Variants in MCUB observed in about 807,000 individuals in gnomAD.
MCUB encodes the protein mitochondrial calcium uniporter dominant negative subunit beta.
A neutral mutation model predicts 41.4 loss-of-function variants in MCUB; 46 were observed. That is an observed-to-expected ratio of 1.11 (90% CI 0.88 to 1.42). The LOEUF is 1.42. Ranked by LOEUF, MCUB falls within the 40% of genes most tolerant of loss-of-function variation. The pLI, the probability that MCUB is intolerant of heterozygous loss-of-function variation, is 0.00. For synonymous variants in MCUB, 148 were observed against 148.2 expected, an observed-to-expected ratio of 1.00 and a Z score of 0.01; for missense variants, 403 against 404.9, an observed-to-expected ratio of 1.00 and a Z score of 0.04.
At chr4:109,610,637 C>T (rs1056033906) in intron 1 of MCUB, among the ~76,000 whole-genome samples, 22 of 152,190 alleles carry the variant, frequency 1.4e-4, no homozygotes, top group African/African-American at 4.8e-4. Context: ...ATAACAGTCA[C>T]GCGTCTTTTA....
intron 4 of MCUB, among the ~76,000 whole-genome samples, chr4:109,678,118 G>T (rs1395410530): frequency 6.6e-6 from 1 of 151,974 alleles, no homozygotes; most frequent in African/African-American, 2.4e-5. Flanking sequence ...ATGTTTCAGA[G>T]AGCACGGGGT....
intron 1 of MCUB, among the ~76,000 whole-genome samples, chr4:109,578,920 A>G (rs774197923): frequency 1.3e-5 from 2 of 152,200 alleles, no homozygotes; most frequent in Non-Finnish European, 2.9e-5. Flanking sequence ...CACAAGAAAA[A>G]TCAGCTTGCT....
chr4:109,630,781 G>A (rs907398572), intron 1 of MCUB, among the ~76,000 whole-genome samples: 6 of 152,132 alleles, frequency 3.9e-5, no homozygotes, highest in Admixed American at 2.6e-4. Flanking sequence ...GAGTTTCTCC[G>A]TGTTGGTCAG....
chr4:109,671,910 G>A (rs1729467154), intron 4 of MCUB, among the ~76,000 whole-genome samples: 1 of 152,070 alleles, frequency 6.6e-6, no homozygotes, highest in South Asian at 2.1e-4. Context: ...GTAGCTGTAG[G>A]TATCAGAGGC....
At chr4:109,613,888 T>C (rs1336572659) in intron 1 of MCUB, among the ~76,000 whole-genome samples, 1 of 152,170 alleles carries the variant, frequency 6.6e-6, no homozygotes, top group Non-Finnish European at 1.5e-5. Context: ...TTGGCAAAAC[T>C]GTGGTATAAT....
rs1344242529 is a variant in MCUB, at chr4:109,560,316, G to C, written c.-22G>C. 1 of 1,207,694 alleles carries C rather than the reference G, an allele frequency of 8.3e-7. No individual in the cohort carries two copies. Among genetic ancestry groups the C allele is most frequent in the Admixed American group, 4.3e-5 (1 of 23,472 alleles). The allele number at this position is 1,207,694 out of a possible 1,614,324, so 74.8% of individuals were successfully genotyped here. ...GGATGCGCCGCTGACGCCTGCGGGA[G>C]CCGCGCGCCTGGGGCGGGAGGATGC... On this transcript the variant is annotated 5_prime_UTR_variant, in exon 1 of 8. Transcript: ENST00000394650.
In MCUB at chr4:109,613,781, A is replaced by G. The variant is rs528678606; in HGVS notation, c.100-45230A>G. Among the ~76,000 whole-genome samples, 77 of 152,294 alleles carry G rather than the reference A, an allele frequency of 5.1e-4. 1 individual carries two copies. Among genetic ancestry groups the G allele is most frequent in the Middle Eastern group, 3.4e-3 (1 of 294 alleles). On this transcript the variant is annotated intron_variant, in intron 1 of 7. Coordinates refer to ENST00000394650, the MANE Select transcript of MCUB (RefSeq NM_017918.5). ...AGTGCCATATTCTTAAAAAAATTAA[A>G]GTATTTATTGAGATAACTGCAGACT... is the stretch of plus-strand genomic sequence containing the variant.
At position 109,577,598 on chromosome 4, in the gene MCUB, C is replaced by CTT. The variant is rs71594195; in HGVS notation, c.99+17190_99+17191dup. On this transcript the variant is annotated intron_variant, in intron 1 of 7. Transcript: ENST00000394650. ...ATAGCCTAAAATGGGTACTTGAATT[C>CTT]TTTTTTTTTTTTTTTTTTTTTTTTT... 1.3e-3 allele frequency among the ~76,000 whole-genome samples: 61 copies of CTT among 48,666 alleles called. 11 individuals are homozygous for CTT. Among genetic ancestry groups the CTT allele is most frequent in the African/African-American group, 1.6e-3 (20 of 12,896 alleles). 31.9% of individuals were successfully genotyped at this position (48,666 alleles called of 152,430 possible).
intron 1 of MCUB, among the ~76,000 whole-genome samples, chr4:109,603,510 G>A (rs1727794081): frequency 6.6e-6 from 1 of 152,170 alleles, no homozygotes; most frequent in South Asian, 2.1e-4. Flanking sequence ...CCTCTGCCCG[G>A]CCGCCACCCC....
At chr4:109,638,509 G>A (rs1275158692) in intron 1 of MCUB, among the ~76,000 whole-genome samples, 1 of 152,012 alleles carries the variant, frequency 6.6e-6, no homozygotes, top group Admixed American at 6.6e-5. Flanking sequence ...GCTGCTAGAG[G>A]TAGAGGGTGT....
rs1346656688 is a variant in MCUB, at chr4:109,588,015, G to A, written c.99+27579G>A. Among the ~76,000 whole-genome samples the A allele has an allele frequency of 5.3e-5, 8 of 152,194 alleles. No homozygotes were observed. In the East Asian group the frequency reaches 7.7e-4, roughly 15 times the overall value. ...AAATACAGAAACCTTAAAGTGTTGC[G>A]TTAAGTATCTAATGGACAGTGCTGA... is the stretch of plus-strand genomic sequence containing the variant. On this transcript the variant is annotated intron_variant, in intron 1 of 7. Transcript: ENST00000394650.
At chr4:109,577,428 C>T (rs1727056804) in intron 1 of MCUB, among the ~76,000 whole-genome samples, 2 of 152,142 alleles carry the variant, frequency 1.3e-5, no homozygotes, top group African/African-American at 4.8e-5. Flanking sequence ...CTCAGTCCCC[C>T]TCACTTCTGG....
chr4:109,635,415 T>C (rs1374528664), intron 1 of MCUB, among the ~76,000 whole-genome samples: 1 of 152,194 alleles, frequency 6.6e-6, no homozygotes. Context: ...CTTCTTACCC[T>C]TGCCCCACGT....
chr4:109,629,135 T>A (rs950615922), intron 1 of MCUB, among the ~76,000 whole-genome samples: 1 of 152,188 alleles, frequency 6.6e-6, no homozygotes, highest in African/African-American at 2.4e-5. Flanking sequence ...TTTTTTCTAA[T>A]TTTTTATTTT....
intron 3 of MCUB, among the ~76,000 whole-genome samples, chr4:109,661,056 T>C (rs1032152982): frequency 2.6e-5 from 4 of 152,178 alleles, no homozygotes; most frequent in Admixed American, 2.6e-4. Flanking sequence ...ACACAAAAAA[T>C]TTGTTCACCA....
chr4:109,686,329 GAGTTCC>G (rs1729835593), intron 7 of MCUB, among the ~76,000 whole-genome samples: 1 of 152,250 alleles, frequency 6.6e-6, no homozygotes, highest in East Asian at 1.9e-4. Context: ...AGTAGAGACA[GAGTTCC>G]ACTATGTTGT....
At chr4:109,562,035 G>A (rs761685276) in intron 1 of MCUB, among the ~76,000 whole-genome samples, 15 of 152,178 alleles carry the variant, frequency 9.9e-5, no homozygotes, top group Non-Finnish European at 1.3e-4. Context: ...ACAGGGGTGA[G>A]CCACCGCGAC....
intron 1 of MCUB, among the ~76,000 whole-genome samples, chr4:109,583,238 T>C (rs1727225700): frequency 6.6e-6 from 1 of 152,174 alleles, no homozygotes; most frequent in Admixed American, 6.5e-5. Flanking sequence ...TTTTATTTTG[T>C]TGAGCCGTGG....
At chr4:109,578,451 C>T (rs564009979) in intron 1 of MCUB, among the ~76,000 whole-genome samples, 1 of 151,444 alleles carries the variant, frequency 6.6e-6, no homozygotes, top group African/African-American at 2.4e-5. Flanking sequence ...AGTAGGTAGT[C>T]GAGCCAGGAC....
Sources: allele counts gnomAD v4.1 joint callset (sites outside exome capture counted in the v4.1 genomes callset), GRCh38; gene constraint gnomAD v4.1.1; transcripts MANE v1.5; gene names NCBI Gene and HGNC (gene_info 2026-07-23, HGNC 2026-07-21).